The following MED14 variants were observed in gnomAD, a reference collection of about 807,000 sequenced individuals.
MED14 encodes mediator complex subunit 14, also known as mediator of RNA polymerase II transcription subunit 14.
Under a neutral mutation model 109.0 loss-of-function variants are expected in MED14, and 8 were observed. The ratio of observed to expected loss-of-function variants is 0.07; its 90% CI spans 0.04 to 0.13. MED14 has a LOEUF of 0.13. MED14 is among the 10% of genes least tolerant of loss of function. The pLI, the probability that MED14 is intolerant of heterozygous loss-of-function variation, is 1.00. For synonymous variants in MED14, 399 were observed against 408.7 expected, an observed-to-expected ratio of 0.98 and a Z score of 0.29; for missense variants, 711 against 1,142.4, an observed-to-expected ratio of 0.62 and a Z score of 5.44.
upstream of MED14, chrX:40,735,724 G>A (rs1354009259): frequency 4.6e-6 from 2 of 431,873 alleles, no homozygotes; most frequent in Admixed American, 5.7e-5. Context: ...CAACGTACAT[G>A]TTGACTGCCC....
intron 12 of MED14, among the ~76,000 whole-genome samples, chrX:40,698,920 CAAGAG>C (rs1443461370): frequency 8.9e-6 from 1 of 111,886 alleles, no homozygotes; most frequent in Non-Finnish European, 1.9e-5. Flanking sequence ...GGTTCTACTC[CAAGAG>C]AAAAGAAAAC....
At chrX:40,705,873 T>C (rs906786251) in intron 10 of MED14, among the ~76,000 whole-genome samples, 7 of 111,429 alleles carry the variant, frequency 6.3e-5, no homozygotes, top group African/African-American at 2.3e-4. Context: ...AGTTAGGCAA[T>C]GCTGCCAACT....
intron 19 of MED14, among the ~76,000 whole-genome samples, chrX:40,681,116 C>T (rs1930095322): frequency 8.9e-6 from 1 of 112,412 alleles, no homozygotes; most frequent in Non-Finnish European, 1.9e-5. Flanking sequence ...TGTTAGTCCT[C>T]TTTTACTAAA....
chrX:40,709,969 G>C lies in MED14; in HGVS notation c.1173+10C>G, dbSNP rs1327697580. The C allele has an allele frequency of 3.5e-6, 4 of 1,136,998 alleles. No individual in the cohort carries two copies. The highest frequency in any genetic ancestry group is 1.8e-5 in the African/African-American group (1 of 55,018). 93.7% of individuals were successfully genotyped at this position (1,136,998 alleles called of 1,213,427 possible). Reference sequence around the variant, plus strand: ...TTAAACCAATATGAAAATATATTGAGATCTTTTACCTTCATGGCTCTTTCT... The same window carrying C: ...TTAAACCAATATGAAAATATATTGACATCTTTTACCTTCATGGCTCTTTCT... On this transcript the variant is annotated intron_variant, in intron 9 of 30. Coordinates refer to ENST00000324817, the MANE Select transcript of MED14 (RefSeq NM_004229.4).
At position 40,680,030 on chromosome X, in the gene MED14, G is replaced by C; in HGVS notation, c.2714C>G (p.Ser905Cys). The change falls in exon 21 of 31, where the codon TCC becomes TGC. Residue 905 changes from serine (S) to cysteine (C), a missense_variant. Around this residue, in one of 8 missense-constraint regions of MED14, gnomAD observed 29 missense variants for 102.4 expected, o/e 0.28. Transcript: ENST00000324817. ...GTGGGTGGACGACTGTGGCAGAATG[G>C]AGAAGCACTGGTAGGCAGTATTGGT... Reference protein sequence around the residue: ...QRTNTAYQCFSILPQSSTHIR... With the variant: ...QRTNTAYQCFCILPQSSTHIR... 2.5e-6 allele frequency: 3 copies of C among 1,210,663 alleles called. No homozygotes were observed. Among genetic ancestry groups the C allele is most frequent in the Non-Finnish European group, 3.4e-6 (3 of 894,445 alleles).
At chrX:40,725,169 C>T (rs1365219288) in intron 3 of MED14, among the ~76,000 whole-genome samples, 1 of 111,507 alleles carries the variant, frequency 9.0e-6, no homozygotes, top group Non-Finnish European at 1.9e-5. Flanking sequence ...AGCTATAATT[C>T]ATTATATTAA....
At chrX:40,691,993 T>C (rs1390210055) in intron 15 of MED14, among the ~76,000 whole-genome samples, 190 bp downstream of exon 15, 1 of 111,174 alleles carries the variant, frequency 9.0e-6, no homozygotes, top group Non-Finnish European at 1.9e-5. Flanking sequence ...ATCAGAGAGA[T>C]GAAATAATTC....
chrX:40,670,629 C>T (rs1341678005), intron 23 of MED14, among the ~76,000 whole-genome samples: 1 of 110,278 alleles, frequency 9.1e-6, no homozygotes, highest in Non-Finnish European at 1.9e-5. Context: ...GGCGCGGTAG[C>T]GGGCGCCTGT....
intron 1 of MED14, among the ~76,000 whole-genome samples, chrX:40,732,724 A>C (rs2146753820): frequency 9.1e-6 from 1 of 110,360 alleles, no homozygotes; most frequent in East Asian, 2.8e-4. Flanking sequence ...GGCTGCAGTG[A>C]GCATGACTGT....
intron 18 of MED14, 42 bp from the exon 19 acceptor site, chrX:40,681,985 T>C: frequency 1.6e-6 from 1 of 625,115 alleles, no homozygotes; most frequent in Non-Finnish European, 2.4e-6. Flanking sequence ...ATTATACATG[T>C]AAAATTTTAA....
rs765046720 is a variant in MED14 at position 40,726,729 on chromosome X, T to C, written c.348+17A>G. On this transcript the variant is annotated intron_variant, in intron 3 of 30. Coordinates refer to ENST00000324817, the MANE Select transcript of MED14 (RefSeq NM_004229.4). ...AAAAGTTATTTTATACAAAGTAAAA[T>C]AAAAAGTTTAACTCACCGCACATTT... 1.7e-6 allele frequency: 2 copies of C among 1,147,663 alleles called. No individual in the cohort carries two copies. Among genetic ancestry groups the C allele is most frequent in the South Asian group, 1.9e-5 (1 of 51,473 alleles). 94.6% of individuals were successfully genotyped at this position (1,147,663 alleles called of 1,213,427 possible).
At chrX:40,672,260 G>A (rs1327385795) in intron 22 of MED14, among the ~76,000 whole-genome samples, 1 of 111,945 alleles carries the variant, frequency 8.9e-6, no homozygotes, top group African/African-American at 3.2e-5. Context: ...GCATATAACC[G>A]ATTTATCTCT....
At chrX:40,711,023 G>C (rs1215132308) in intron 8 of MED14, 146 bp downstream of exon 8, 1 of 616,109 alleles carries the variant, frequency 1.6e-6, no homozygotes. Flanking sequence ...CTTGCAAATT[G>C]ATCTGCATAT....
intron 10 of MED14, among the ~76,000 whole-genome samples, chrX:40,706,507 A>C (rs1229652479): frequency 8.9e-6 from 1 of 111,752 alleles, no homozygotes; most frequent in Non-Finnish European, 1.9e-5. Flanking sequence ...AGATCTAGGA[A>C]GAGCCTGGAC....
intron 1 of MED14, 97 bp from the exon 2 acceptor site, chrX:40,729,442 T>C: frequency 2.1e-5 from 18 of 864,262 alleles, no homozygotes; most frequent in Non-Finnish European, 2.9e-5. Context: ...CGTTAATGTT[T>C]CAGAAAAACT....
At chrX:40,655,096 T>A (rs1017884079) in intron 28 of MED14, 36 bp from the exon 29 acceptor site, 3 of 1,167,580 alleles carry the variant, frequency 2.6e-6, no homozygotes, top group Admixed American at 4.5e-5. Flanking sequence ...TAAAGGCATA[T>A]AAACATTTAA....
intron 3 of MED14, 66 bp downstream of exon 3, chrX:40,726,680 A>C (rs1931904591): frequency 1.1e-6 from 1 of 892,811 alleles, no homozygotes; most frequent in African/African-American, 2.0e-5. Flanking sequence ...CTAAAATGTA[A>C]AACTATGTCT....
chrX:40,700,818 C>T lies in MED14; in HGVS notation c.1490+347G>A, dbSNP rs751759229. Among the ~76,000 whole-genome samples, 7 of 111,577 alleles carry T rather than the reference C, an allele frequency of 6.3e-5. No individual in the cohort carries two copies. In the East Asian group the frequency reaches 2.0e-3, roughly 31 times the overall value. On this transcript the variant is annotated intron_variant, in intron 12 of 30. Transcript: ENST00000324817. ...GTTGGTAGTCAACCATGACGATTAC[C>T]CTGGATAAGAACAAATAGGACTTTA...
intron 15 of MED14, among the ~76,000 whole-genome samples, chrX:40,691,607 C>CTT (rs36144185): frequency 0.31 from 18,297 of 59,093 alleles, 3,473 homozygotes; most frequent in African/African-American, 0.58. Context: ...TTCTTTTAAT[C>CTT]TTTTTTTTTT....
Sources: gnomAD v4.1 joint callset for allele counts (sites outside exome capture counted in the v4.1 genomes callset) on GRCh38, gnomAD v4.1.1 for gene constraint, gnomAD v4.1.1 regional missense constraint, MANE v1.5 for transcripts, NCBI Gene and HGNC (gene_info 2026-07-23, HGNC 2026-07-21) for gene names.